Variants in DNAH2 observed in about 807,000 individuals in gnomAD.
DNAH2 encodes the protein dynein axonemal heavy chain 2.
DNAH2 carries 323 observed loss-of-function variants against 523.5 expected under a neutral mutation model. The ratio of observed to expected loss-of-function variants is 0.62; its 90% CI spans 0.56 to 0.68. DNAH2 has a LOEUF of 0.68. Ranked by LOEUF, DNAH2 falls within the 30% of genes least tolerant of loss-of-function variation. The pLI, the probability that DNAH2 is intolerant of heterozygous loss-of-function variation, is 0.00. For missense variants in DNAH2, 4,907 were observed against 5,701.5 expected, an observed-to-expected ratio of 0.86 and a Z score of 4.49; for synonymous variants, 2,093 against 2,177.4, an observed-to-expected ratio of 0.96 and a Z score of 1.08.
chr17:7,741,236 C>CTCTCTCTCTCTT (rs1555540638), intron 11 of DNAH2, among the ~76,000 whole-genome samples: 1 of 85,594 alleles, frequency 1.2e-5, no homozygotes, highest in Non-Finnish European at 2.6e-5. Context: ...TTTTCTCTCT[C>CTCTCTCTCTCTT]TCTTTCTTTC....
At position 7,804,424 on chromosome 17, in the gene DNAH2, C is replaced by T. The variant is rs775808036; in HGVS notation, c.9141C>T (p.Val3047=). The change falls in exon 59 of 86, where the codon GTC becomes GTT. Residue 3047 remains valine, a synonymous_variant. Coordinates refer to ENST00000572933, the MANE Select transcript of DNAH2 (RefSeq NM_020877.5). Reference sequence around the variant, plus strand: ...AGAAGCAGTGTGAGGAGTACCTGGTCATCATTGTGCAGCAGAAGCGGGAGG... The same window carrying T: ...AGAAGCAGTGTGAGGAGTACCTGGTTATCATTGTGCAGCAGAAGCGGGAGG... ...EFQKQCEEYL[V]IIVQQKREAD... is the part of the protein sequence containing the mutation. 1.9e-6 allele frequency: 3 copies of T among 1,614,034 alleles called. No homozygotes were observed. In the South Asian group the frequency reaches 3.3e-5, roughly 18 times the overall value.
chr17:7,816,786 G>A (rs1168967697), intron 64 of DNAH2, 51 bp downstream of exon 64: 9 of 1,595,226 alleles, frequency 5.6e-6, no homozygotes, highest in African/African-American at 2.7e-5. Flanking sequence ...CGCCACTTCC[G>A]AGAGACCCAT....
Position 7,832,481 on chromosome 17 carries a change from C to A in DNAH2, c.12727-98C>A. The A allele has an allele frequency of 6.9e-7, 1 of 1,447,154 alleles. No homozygotes were observed. Among genetic ancestry groups the A allele is most frequent in the Non-Finnish European group, 9.4e-7 (1 of 1,062,430 alleles). 89.6% of individuals were successfully genotyped at this position (1,447,154 alleles called of 1,614,324 possible). A position where few individuals can be genotyped will look rare whatever the true frequency, so the allele number is the denominator to read the frequency against. On this transcript the variant is annotated intron_variant, in intron 82 of 85. Transcript: ENST00000572933. The surrounding 1 kb of genome is among the most constrained non-coding windows in gnomAD (Gnocchi z 4.3). ...CCAAGATCGTACCACTGCACTCCAG[C>A]CTGGGGGACAAGAGCAAAACTCTGT...
At chr17:7,822,363 G>A (rs1202970109) in intron 73 of DNAH2, among the ~76,000 whole-genome samples, 8 of 152,152 alleles carry the variant, frequency 5.3e-5, no homozygotes, top group Non-Finnish European at 8.8e-5. Flanking sequence ...CTCCAGCCAC[G>A]CAGGCCTCAT....
chr17:7,819,096 C>G (rs780671930), intron 71 of DNAH2, 33 bp downstream of exon 71: 3 of 1,600,314 alleles, frequency 1.9e-6, no homozygotes, highest in East Asian at 4.5e-5. Flanking sequence ...CTGCCTCCCA[C>G]CAGCCATCCA....
chr17:7,722,196 G>GC (rs1250153333), intron 2 of DNAH2, among the ~76,000 whole-genome samples: 1 of 144,646 alleles, frequency 6.9e-6, no homozygotes, highest in Non-Finnish European at 1.5e-5. Flanking sequence ...ACGGGGGGGG[G>GC]GGTTCACCAT....
At chr17:7,801,781 A>G in intron 57 of DNAH2, 71 bp downstream of exon 57, 1 of 1,599,092 alleles carries the variant, frequency 6.3e-7, no homozygotes. Flanking sequence ...CTCTCATCGC[A>G]CCCCCGGCCT....
chr17:7,763,269 C>T (rs1304836116), intron 18 of DNAH2, among the ~76,000 whole-genome samples: 1 of 152,214 alleles, frequency 6.6e-6, no homozygotes, highest in Non-Finnish European at 1.5e-5. Flanking sequence ...AGCCATTCTC[C>T]TGCCTCAGCC....
chr17:7,754,444 G>A lies in DNAH2; in HGVS notation c.1905-2647G>A. On this transcript the variant is annotated intron_variant, in intron 12 of 85. Transcript: ENST00000572933. The surrounding 1 kb of genome is among the most constrained non-coding windows in gnomAD (Gnocchi z 4.6). ...CCAGTCCCGAAAATGGCACAGAAAT[G>A]GTATCAAGAAACCGCGATCACAAAG... 1.5e-6 allele frequency: 1 copy of A among 666,178 alleles called. No individual in the cohort carries two copies. Among genetic ancestry groups the A allele is most frequent in the African/African-American group, 1.8e-5 (1 of 55,894 alleles). 41.3% of individuals were successfully genotyped at this position (666,178 alleles called of 1,614,324 possible).
At chr17:7,720,029 C>A in intron 2 of DNAH2, 129 bp downstream of exon 2, 1 of 1,171,134 alleles carries the variant, frequency 8.5e-7, no homozygotes, top group Non-Finnish European at 1.1e-6. Flanking sequence ...AAGTGACGCC[C>A]CCAGCCATGG....
intron 33 of DNAH2, 146 bp downstream of exon 33, chr17:7,777,780 C>T (rs2076497094): frequency 1.9e-6 from 2 of 1,061,664 alleles, no homozygotes; most frequent in African/African-American, 3.3e-5. Flanking sequence ...CTTCCATCTC[C>T]TCCCCACAAT....
chr17:7,798,711 T>C lies in DNAH2; in HGVS notation c.8552T>C (p.Phe2851Ser). The C allele has an allele frequency of 6.2e-7, 1 of 1,613,136 alleles. No homozygotes were observed. The highest frequency in any genetic ancestry group is 1.1e-5 in the South Asian group (1 of 91,058). ...CCCAATCTCTACAAGCCTGATGAAT[T>C]TGAAGAGGTAGGATTCCTTCCACAC... is the stretch of plus-strand genomic sequence containing the variant. Reference protein sequence around the residue: ...EVPNLYKPDEFEEIQSHIIDQ... With the variant: ...EVPNLYKPDESEEIQSHIIDQ... Residue 2851 changes from phenylalanine (F) to serine (S), a missense_variant, in exon 55 of 86, where the codon TTT (phenylalanine) becomes TCT (serine). By Grantham distance (155) the Phe-to-Ser change is radical. Coordinates refer to ENST00000572933, the MANE Select transcript of DNAH2 (RefSeq NM_020877.5). The surrounding 1 kb of genome is among the most constrained non-coding windows in gnomAD (Gnocchi z 5.5).
At chr17:7,764,900 T>C (rs2076118258) in intron 20 of DNAH2, among the ~76,000 whole-genome samples, 1 of 144,770 alleles carries the variant, frequency 6.9e-6, no homozygotes. Flanking sequence ...TGGAGTGCAG[T>C]GGTGCAATCA....
In DNAH2 at chr17:7,786,636, A is replaced by C. The variant is rs1325673593; in HGVS notation, c.6415A>C (p.Asn2139His). 6.2e-7 allele frequency: 1 copy of C among 1,613,966 alleles called. No individual in the cohort carries two copies. The highest frequency in any genetic ancestry group is 2.2e-5 in the East Asian group (1 of 44,896). The part of the protein sequence containing the change: ...ELYGEYDLST[N>H]EWTDGILSSV... ...GTATGGGGAATATGACCTCAGCACC[A>C]ATGAATGGACAGATGGCATCTTGTC... The change falls in exon 41 of 86, where the codon AAT becomes CAT. Residue 2139 changes from asparagine (N) to histidine (H), a missense_variant. Around this residue, in one of 3 missense-constraint regions of DNAH2, gnomAD observed 2,806 missense variants for 3,190.8 expected, o/e 0.88. Transcript: ENST00000572933. The surrounding 1 kb of genome is among the most constrained non-coding windows in gnomAD (Gnocchi z 7.5).
chr17:7,796,273 T>G (rs1209435275), intron 49 of DNAH2, among the ~76,000 whole-genome samples, 191 bp from the exon 50 acceptor site: 3 of 152,086 alleles, frequency 2.0e-5, no homozygotes, highest in African/African-American at 7.2e-5. Flanking sequence ...GGTCTCGAAC[T>G]CCCGACCTCA....
intron 56 of DNAH2, among the ~76,000 whole-genome samples, chr17:7,799,592 G>A (rs931370920): frequency 2.0e-5 from 3 of 152,162 alleles, no homozygotes; most frequent in African/African-American, 7.2e-5. Context: ...CTAGGTGGGT[G>A]GATCACGAGA....
chr17:7,797,080 A>C (rs1162025062), intron 50 of DNAH2, 96 bp from the exon 51 acceptor site: 16 of 1,116,408 alleles, frequency 1.4e-5, no homozygotes, highest in Non-Finnish European at 2.1e-5. Context: ...CCAGCCTTGG[A>C]GACAGAGTGA....
intron 2 of DNAH2, among the ~76,000 whole-genome samples, chr17:7,722,009 A>AT (rs970641513): frequency 2.0e-5 from 3 of 152,000 alleles, no homozygotes; most frequent in African/African-American, 7.2e-5. Flanking sequence ...TTTTATTTTT[A>AT]TTTTTTGGAG....
intron 44 of DNAH2, among the ~76,000 whole-genome samples, chr17:7,790,367 C>T (rs1006793349): frequency 3.3e-5 from 5 of 151,650 alleles, no homozygotes; most frequent in East Asian, 2.0e-4. Context: ...GGACCGCAGG[C>T]GTGCGCCATC....
Sources: gnomAD v4.1 joint callset for allele counts (sites outside exome capture counted in the v4.1 genomes callset) on GRCh38, gnomAD v4.1.1 for gene constraint, gnomAD v4.1.1 regional missense constraint, Gnocchi (gnomAD v3.1) non-coding constraint, MANE v1.5 for transcripts, NCBI Gene and HGNC (gene_info 2026-07-23, HGNC 2026-07-21) for gene names.